ADK: variants seen among roughly 807,000 people sequenced by gnomAD.
ADK encodes the protein adenosine kinase, also known as N6,N6-dimethyladenosine kinase.
In ADK, 24 loss-of-function variants were observed where a neutral mutation model predicts 44.7. That is an observed-to-expected ratio of 0.54 (90% CI 0.39 to 0.76). The LOEUF (loss-of-function observed/expected upper bound fraction) is 0.76, where lower values mean the gene tolerates loss of function less well. ADK is among the 30% of genes least tolerant of loss of function. The pLI is 0.00. For synonymous variants in ADK, 128 were observed against 142.6 expected (o/e 0.90, Z 0.73); for missense variants, 321 against 425.1 (o/e 0.76, Z 2.15).
intron 4 of ADK, among the ~76,000 whole-genome samples, chr10:74,324,750 C>G (rs907739911): frequency 6.6e-6 from 1 of 152,130 alleles, no homozygotes; most frequent in African/African-American, 2.4e-5. Flanking sequence ...ATCATTTCCA[C>G]TGAATATGTA....
intron 9 of ADK, among the ~76,000 whole-genome samples, chr10:74,616,506 T>G (rs1385930957): frequency 6.6e-6 from 1 of 152,242 alleles, no homozygotes; most frequent in Non-Finnish European, 1.5e-5. Context: ...CTGCATTACA[T>G]TGACACCTTT....
At chr10:74,194,830 G>C (rs1342096947) in intron 1 of ADK, among the ~76,000 whole-genome samples, 2 of 152,138 alleles carry the variant, frequency 1.3e-5, no homozygotes, top group African/African-American at 4.8e-5. Flanking sequence ...GATGACTGGT[G>C]TAACAGTTAA....
chr10:74,661,028 T>C (rs1476270668), intron 9 of ADK, among the ~76,000 whole-genome samples: 3 of 151,738 alleles, frequency 2.0e-5, no homozygotes, highest in African/African-American at 7.3e-5. Context: ...CAAGACTCTG[T>C]CTCAAAGAAA....
At chr10:74,303,588 G>GTTGTTGTTTTTTTT (rs1840139803) in intron 3 of ADK, among the ~76,000 whole-genome samples, 7 of 68,580 alleles carry the variant, frequency 1.0e-4, no homozygotes, top group African/African-American at 5.5e-4. Context: ...TTTTAATGTT[G>GTTGTTGTTTTTTTT]TTTTTTTTTT....
At chr10:74,159,598 T>TTTTAGTCCATCTAA (rs1841837299) in intron 1 of ADK, among the ~76,000 whole-genome samples, 2 of 140,620 alleles carry the variant, frequency 1.4e-5, no homozygotes, top group South Asian at 4.4e-4. Flanking sequence ...GTCCATCTAA[T>TTTTAGTCCATCTAA]TTTTTTTTTT....
chr10:74,198,108 G>GT (rs1490254286), intron 1 of ADK, among the ~76,000 whole-genome samples: 7 of 151,940 alleles, frequency 4.6e-5, no homozygotes, highest in Admixed American at 6.6e-5. Context: ...GCTCATCCTT[G>GT]TTTTTTTGTT....
chr10:74,350,792 A>G (rs555114236), intron 4 of ADK, among the ~76,000 whole-genome samples: 28 of 152,338 alleles, frequency 1.8e-4, no homozygotes, highest in Admixed American at 1.8e-3. Flanking sequence ...AAACACCTCT[A>G]TGCAAATAAA....
chr10:74,330,316 A>G (rs999521028), intron 4 of ADK, among the ~76,000 whole-genome samples: 1 of 152,088 alleles, frequency 6.6e-6, no homozygotes, highest in African/African-American at 2.4e-5. Flanking sequence ...GGAGGTTGAG[A>G]TGGGAAGATC....
intron 3 of ADK, among the ~76,000 whole-genome samples, chr10:74,299,547 A>G (rs897403207): frequency 1.4e-5 from 2 of 147,974 alleles, no homozygotes; most frequent in Non-Finnish European, 3.0e-5. Flanking sequence ...ATATTAAAAT[A>G]CATATTTATA....
intron 9 of ADK, among the ~76,000 whole-genome samples, chr10:74,623,082 T>C (rs531588502): frequency 6.6e-6 from 1 of 152,258 alleles, no homozygotes; most frequent in South Asian, 2.1e-4. Flanking sequence ...TTCCATACCA[T>C]GTTAACTCAT....
chr10:74,561,396 C>A (rs1052675445), intron 7 of ADK, among the ~76,000 whole-genome samples: 1 of 151,954 alleles, frequency 6.6e-6, no homozygotes, highest in Non-Finnish European at 1.5e-5. Context: ...AGGAAAGACA[C>A]AATGAAAAGA....
At chr10:74,229,311 A>G (rs1028739220) in intron 3 of ADK, among the ~76,000 whole-genome samples, 1 of 151,936 alleles carries the variant, frequency 6.6e-6, no homozygotes, top group Non-Finnish European at 1.5e-5. Context: ...CAATTTCCAA[A>G]CCAGCAGGAA....
intron 9 of ADK, among the ~76,000 whole-genome samples, chr10:74,607,520 G>T (rs1231329790): frequency 6.6e-6 from 1 of 152,128 alleles, no homozygotes; most frequent in Non-Finnish European, 1.5e-5. Flanking sequence ...GAAATTCTGG[G>T]TTCAAAATTC....
intron 7 of ADK, among the ~76,000 whole-genome samples, chr10:74,542,752 C>T (rs183216760): frequency 6.6e-6 from 1 of 152,102 alleles, no homozygotes; most frequent in Admixed American, 6.5e-5. Flanking sequence ...TTTACTGTAT[C>T]TTCTTTGTTA....
chr10:74,520,043 C>G (rs901275030), intron 6 of ADK, among the ~76,000 whole-genome samples: 1 of 151,818 alleles, frequency 6.6e-6, no homozygotes, highest in Admixed American at 6.6e-5. Flanking sequence ...TTTTATCAAA[C>G]TGGAATATAT....
intron 9 of ADK, among the ~76,000 whole-genome samples, chr10:74,602,105 C>CAA (rs58400071): frequency 0.16 from 7,881 of 48,136 alleles, 797 homozygotes; most frequent in African/African-American, 0.22. Context: ...ACCCTGTCTC[C>CAA]AAAAAAAAAA....
chr10:74,452,785 A>G (rs992425382), intron 6 of ADK, among the ~76,000 whole-genome samples: 5 of 152,062 alleles, frequency 3.3e-5, no homozygotes, highest in African/African-American at 1.2e-4. Context: ...AACAAGTAAT[A>G]AAACACATTT....
chr10:74,165,044 A>C (rs993240757), intron 1 of ADK, among the ~76,000 whole-genome samples: 2 of 152,176 alleles, frequency 1.3e-5, no homozygotes, highest in African/African-American at 2.4e-5. Flanking sequence ...GAGTTGGGAT[A>C]GGAGCAGCGG....
intron 6 of ADK, among the ~76,000 whole-genome samples, chr10:74,482,990 G>A (rs186730113): frequency 1.5e-4 from 23 of 152,274 alleles, no homozygotes; most frequent in African/African-American, 4.1e-4. Flanking sequence ...TTGAGGTCTG[G>A]AGGACAGTGG....
Sources: gnomAD v4.1 joint callset for allele counts (sites outside exome capture counted in the v4.1 genomes callset) on GRCh38, gnomAD v4.1.1 for gene constraint, MANE v1.5 for transcripts, NCBI Gene and HGNC (gene_info 2026-07-23, HGNC 2026-07-21) for gene names.